KDR: variants seen among roughly 807,000 people sequenced by gnomAD.
KDR encodes kinase insert domain receptor, also known as vascular endothelial growth factor receptor 2.
KDR carries 43 observed loss-of-function variants against 160.9 expected under a neutral mutation model. The ratio of observed to expected loss-of-function variants is 0.27; its 90% CI spans 0.21 to 0.34. The LOEUF is 0.34. Ranked by LOEUF, KDR falls within the 10% of genes least tolerant of loss-of-function variation. The pLI is 1.00. For synonymous variants in KDR, 617 were observed against 600.1 expected, an observed-to-expected ratio of 1.03 and a Z score of -0.41; for missense variants, 1,469 against 1,666.4, an observed-to-expected ratio of 0.88 and a Z score of 2.06.
intron 11 of KDR, among the ~76,000 whole-genome samples, 170 bp downstream of exon 11, chr4:55,106,514 TTAA>T (rs1316056674): frequency 2.2e-4 from 34 of 152,306 alleles, no homozygotes; most frequent in Non-Finnish European, 4.1e-4. Context: ...TGATAAGCTA[TTAA>T]TAAGTTAATG....
At chr4:55,125,143 C>T in intron 1 of KDR, 84 bp downstream of exon 1, 1 of 1,255,096 alleles carries the variant, frequency 8.0e-7, no homozygotes, top group Non-Finnish European at 1.1e-6. Flanking sequence ...TCCAGCTCTA[C>T]GATTCCGAGT....
intron 26 of KDR, 101 bp downstream of exon 26, chr4:55,088,767 C>A: frequency 1.3e-6 from 1 of 782,654 alleles, no homozygotes; most frequent in Non-Finnish European, 2.3e-6. Flanking sequence ...TATTCAATGG[C>A]TGAGAGGATG....
chr4:55,079,853 C>A lies in KDR; in HGVS notation c.*88G>T. On this transcript the variant is annotated 3_prime_UTR_variant, in exon 30 of 30. Coordinates refer to ENST00000263923, the MANE Select transcript of KDR (RefSeq NM_002253.4). ...TCGAAATGAAAATCAAATGCGGCTA[C>A]TTCCTGCTGGTGGAAAGAACAACAC... 1.7e-6 allele frequency: 2 copies of A among 1,210,924 alleles called. No individual in the cohort carries two copies. Among genetic ancestry groups the A allele is most frequent in the Non-Finnish European group, 1.2e-6 (1 of 813,566 alleles). 75.0% of individuals were successfully genotyped at this position (1,210,924 alleles called of 1,614,324 possible).
rs1198707650 is a variant in KDR, at chr4:55,079,044, C to CAGAT, written c.*893_*896dup. 1 of 233,194 alleles carries CAGAT rather than the reference C, an allele frequency of 4.3e-6. No homozygotes were observed. Among genetic ancestry groups the CAGAT allele is most frequent in the Admixed American group, 5.6e-5 (1 of 17,786 alleles). The allele number at this position is 233,194 out of a possible 1,614,324, so 14.4% of individuals were successfully genotyped here. On this transcript the variant is annotated 3_prime_UTR_variant, in exon 30 of 30. Transcript: ENST00000263923. ...CAGTCTCAGACATATCACATCAGGACAGATATGAGGGTATTCATTCCAGAA... is the reference window on the plus strand; with the variant it reads ...CAGTCTCAGACATATCACATCAGGACAGATAGATATGAGGGTATTCATTCCAGAA...
chr4:55,087,408 G>A (rs1270543320), intron 27 of KDR, among the ~76,000 whole-genome samples, 199 bp downstream of exon 27: 4 of 152,234 alleles, frequency 2.6e-5, no homozygotes, highest in African/African-American at 4.8e-5. Flanking sequence ...TGGCAGCAGC[G>A]TGGGCTACAG....
At chr4:55,098,496 C>T (rs1560517043) in intron 16 of KDR, among the ~76,000 whole-genome samples, 1 of 152,106 alleles carries the variant, frequency 6.6e-6, no homozygotes, top group Non-Finnish European at 1.5e-5. Context: ...CAGTCCAAGC[C>T]CTTTTCCTCT....
intron 27 of KDR, 91 bp downstream of exon 27, chr4:55,087,516 T>C (rs1383155203): frequency 8.4e-7 from 1 of 1,188,658 alleles, no homozygotes; most frequent in East Asian, 2.4e-5. Context: ...TGCAACAGCC[T>C]TAGACAAGGT....
chr4:55,107,184 G>A (rs1386390732), intron 10 of KDR, among the ~76,000 whole-genome samples: 1 of 152,166 alleles, frequency 6.6e-6, no homozygotes, highest in Non-Finnish European at 1.5e-5. Flanking sequence ...AGCAGCTGAG[G>A]AAGAAGCTCA....
intron 22 of KDR, among the ~76,000 whole-genome samples, chr4:55,091,064 G>T (rs1720001538): frequency 6.6e-6 from 1 of 151,988 alleles, no homozygotes; most frequent in Admixed American, 6.6e-5. Context: ...TGGTGGCCAG[G>T]CTGGTCTCAA....
chr4:55,121,424 A>G (rs769375819), intron 1 of KDR, among the ~76,000 whole-genome samples: 8 of 152,230 alleles, frequency 5.3e-5, no homozygotes, highest in Non-Finnish European at 1.2e-4. Flanking sequence ...TCATGGAGCT[A>G]GGGTGGAGTT....
chr4:55,121,236 C>T (rs1457343984), intron 1 of KDR, 46 bp from the exon 2 acceptor site: 9 of 1,372,710 alleles, frequency 6.6e-6, no homozygotes, highest in African/African-American at 1.4e-5. Flanking sequence ...CTGAGTTAGA[C>T]CTAATAGGAA....
chr4:55,098,295 G>T, intron 16 of KDR, 23 bp from the exon 17 acceptor site: 1 of 1,613,352 alleles, frequency 6.2e-7, no homozygotes, highest in Non-Finnish European at 8.5e-7. Flanking sequence ...AATCCTTCCA[G>T]TCATAAACAC....
chr4:55,106,886 A>G, intron 10 of KDR, 76 bp from the exon 11 acceptor site: 3 of 1,283,892 alleles, frequency 2.3e-6, no homozygotes, highest in Non-Finnish European at 1.1e-6. Flanking sequence ...GAAAAGATTC[A>G]GACTTTGGTT....
rs777166403 is a variant in KDR, at chr4:55,090,063, G to A, written c.3085C>T (p.Leu1029=). 1.4e-5 allele frequency: 23 copies of A among 1,613,908 alleles called. No individual in the cohort carries two copies. The South Asian group carries it at 2.3e-4, about 16-fold the overall frequency. ...GATAAGAGGATATTTCGTGCCGCCAGGTCCCTGTGGATACACTGCAAAGAG... is the reference window on the plus strand; with the variant it reads ...GATAAGAGGATATTTCGTGCCGCCAAGTCCCTGTGGATACACTGCAAAGAG... ...LASRKCIHRD[L]AARNILLSEK... The change falls in exon 23 of 30, where the codon CTG becomes TTG. Residue 1029 remains leucine (L), a synonymous_variant. Transcript: ENST00000263923.
chr4:55,100,272 A>T (rs1720275433), intron 15 of KDR, among the ~76,000 whole-genome samples: 1 of 152,206 alleles, frequency 6.6e-6, no homozygotes, highest in South Asian at 2.1e-4. Context: ...TTATGCTTGG[A>T]GTAAATTTTG....
At chr4:55,107,124 C>A (rs1720463927) in intron 10 of KDR, among the ~76,000 whole-genome samples, 1 of 152,140 alleles carries the variant, frequency 6.6e-6, no homozygotes, top group African/African-American at 2.4e-5. Context: ...AGCCACTGGG[C>A]TCCTTAAAGT....
chr4:55,109,674 G>T (rs1305694045), intron 9 of KDR, among the ~76,000 whole-genome samples: 2 of 151,986 alleles, frequency 1.3e-5, no homozygotes, highest in African/African-American at 4.8e-5. Context: ...ATATACATTA[G>T]CATATAAAAG....
At chr4:55,099,205 G>T (rs185358414) in intron 15 of KDR, among the ~76,000 whole-genome samples, 12 of 152,068 alleles carry the variant, frequency 7.9e-5, no homozygotes, top group Non-Finnish European at 7.4e-5. Flanking sequence ...TTTCTGTAGA[G>T]ACAGGGTCTC....
In KDR at chr4:55,125,261, C is replaced by T. The variant is rs1406558464; in HGVS notation, c.33G>A (p.Leu11=). 12 of 1,613,052 alleles carry T rather than the reference C, an allele frequency of 7.4e-6. No individual in the cohort carries two copies. Among genetic ancestry groups the T allele is most frequent in the Non-Finnish European group, 1.0e-5 (12 of 1,179,770 alleles). Residue 11 remains leucine, a synonymous_variant, in exon 1 of 30, where the codon CTG becomes CTA. Transcript: ENST00000263923. Reference sequence around the variant, plus strand: ...CGGCCCGGGTCTCCACGCAGAGCCACAGGGCGACGGCCAGCAGCACCTTGC... The same window carrying T: ...CGGCCCGGGTCTCCACGCAGAGCCATAGGGCGACGGCCAGCAGCACCTTGC... MQSKVLLAVA[L]WLCVETRAAS... is the part of the protein sequence containing the mutation.
Sources: gnomAD v4.1 joint callset for allele counts (sites outside exome capture counted in the v4.1 genomes callset) on GRCh38, gnomAD v4.1.1 for gene constraint, MANE v1.5 for transcripts, NCBI Gene and HGNC (gene_info 2026-07-23, HGNC 2026-07-21) for gene names.